The following LRRC7 variants were observed in gnomAD, a reference collection of about 807,000 sequenced individuals.
LRRC7 encodes leucine-rich repeat-containing protein 7.
LRRC7 carries 23 observed loss-of-function variants against 175.7 expected under a neutral mutation model. The observed-to-expected ratio is 0.13, with a 90% confidence interval of 0.09 to 0.19. The LOEUF (loss-of-function observed/expected upper bound fraction) is 0.19, where lower values mean the gene tolerates loss of function less well. Ranked by LOEUF, LRRC7 falls within the 10% of genes least tolerant of loss-of-function variation. The pLI is 1.00. For synonymous variants in LRRC7, 685 were observed against 680.9 expected (o/e 1.01, Z -0.09); for missense variants, 1,354 against 1,904.7 (o/e 0.71, Z 5.38).
At chr1:69,869,527 G>T (rs1018606768) in intron 7 of LRRC7, among the ~76,000 whole-genome samples, 6 of 152,128 alleles carry the variant, frequency 3.9e-5, no homozygotes, top group Non-Finnish European at 8.8e-5. Context: ...CACAAAGACA[G>T]ATAATTGGGC....
At chr1:69,570,395 T>G (rs910478207) in intron 1 of LRRC7, among the ~76,000 whole-genome samples, 1 of 152,100 alleles carries the variant, frequency 6.6e-6, no homozygotes, top group Non-Finnish European at 1.5e-5. Flanking sequence ...GTGAACGGTT[T>G]GAAAGCTTCG....
chr1:69,928,306 C>T (rs577555548), intron 7 of LRRC7, among the ~76,000 whole-genome samples: 2,060 of 152,308 alleles, frequency 0.014, 25 homozygotes, highest in South Asian at 0.026. Flanking sequence ...TCTCCAGCTG[C>T]GTGCTGGGAG....
At chr1:70,121,719 AAAC>A (rs1193896949) in intron 26 of LRRC7, 58 bp from the exon 27 acceptor site, 94 of 1,102,244 alleles carry the variant, frequency 8.5e-5, no homozygotes, top group Non-Finnish European at 1.2e-4. Context: ...TTATGAATAG[AAAC>A]AACGATACAG....
chr1:70,142,445 G>GAA lies in LRRC7; in HGVS notation c.*20560_*20561dup, dbSNP rs760517108. Reference sequence around the variant, plus strand: ...GCCTATTTTCTGTTTGAAATGAAGAGAAAGGTAATTGACAGATAAACAGAT... The same window carrying GAA: ...GCCTATTTTCTGTTTGAAATGAAGAGAAAAAGGTAATTGACAGATAAACAGAT... On this transcript the variant is annotated 3_prime_UTR_variant, in exon 27 of 27. Coordinates refer to ENST00000651989, the MANE Select transcript of LRRC7 (RefSeq NM_001370785.2). The GAA allele has an allele frequency of 3.9e-5, 6 of 152,050 alleles. No individual in the cohort carries two copies. The highest frequency in any genetic ancestry group is 2.6e-4 in the Admixed American group (4 of 15,258). The allele number at this position is 152,050 out of a possible 1,614,324, so 9.4% of individuals were successfully genotyped here.
At chr1:69,694,369 A>G (rs528096663) in intron 2 of LRRC7, among the ~76,000 whole-genome samples, 56 of 152,234 alleles carry the variant, frequency 3.7e-4, no homozygotes, top group Non-Finnish European at 7.1e-4. Flanking sequence ...GTAATTCTCT[A>G]ATTGCTCTCA....
intron 2 of LRRC7, among the ~76,000 whole-genome samples, chr1:69,735,516 A>T (rs1668014144): frequency 6.6e-6 from 1 of 152,116 alleles, no homozygotes; most frequent in Non-Finnish European, 1.5e-5. Context: ...AATTTGTCCC[A>T]CAACTGGTGA....
chr1:69,833,086 C>T (rs886083274), intron 5 of LRRC7, among the ~76,000 whole-genome samples: 1 of 140,498 alleles, frequency 7.1e-6, no homozygotes, highest in African/African-American at 2.5e-5. Context: ...GCCTGGGAGA[C>T]AAGAGTGAAA....
chr1:69,725,256 A>T (rs924659462), intron 2 of LRRC7, among the ~76,000 whole-genome samples: 2 of 151,974 alleles, frequency 1.3e-5, no homozygotes, highest in African/African-American at 4.8e-5. Flanking sequence ...GAGTAGGGGG[A>T]GGAGGAGGAA....
At chr1:69,684,940 G>T (rs1398410532) in intron 2 of LRRC7, among the ~76,000 whole-genome samples, 1 of 152,168 alleles carries the variant, frequency 6.6e-6, no homozygotes, top group Non-Finnish European at 1.5e-5. Context: ...AGACCTATCT[G>T]GTGGTAATGG....
chr1:70,069,060 A>G lies in LRRC7; in HGVS notation c.4231-7017A>G, dbSNP rs1195305997. Among the ~76,000 whole-genome samples the G allele has an allele frequency of 5.9e-5, 9 of 152,172 alleles. No homozygotes were observed. In the South Asian group the frequency reaches 1.2e-3, roughly 21 times the overall value. ...AGTTGTAGGGCTGTTCAAGTTATCTATATTTTATATTGGATGAGTTGTGGT... is the reference window on the plus strand; with the variant it reads ...AGTTGTAGGGCTGTTCAAGTTATCTGTATTTTATATTGGATGAGTTGTGGT... On this transcript the variant is annotated intron_variant, in intron 23 of 26. Transcript: ENST00000651989.
chr1:69,588,943 C>T (rs1646508525), intron 1 of LRRC7, among the ~76,000 whole-genome samples: 1 of 151,694 alleles, frequency 6.6e-6, no homozygotes, highest in Non-Finnish European at 1.5e-5. Flanking sequence ...GTTCTTCTTT[C>T]CTTCTTCCCT....
chr1:70,032,432 C>G (rs908667686), intron 18 of LRRC7, among the ~76,000 whole-genome samples: 2 of 151,952 alleles, frequency 1.3e-5, no homozygotes, highest in African/African-American at 2.4e-5. Context: ...TATGGTAACA[C>G]CTATTTATAT....
intron 26 of LRRC7, among the ~76,000 whole-genome samples, chr1:70,121,138 G>A (rs1469428264): frequency 6.6e-6 from 1 of 152,016 alleles, no homozygotes; most frequent in Non-Finnish European, 1.5e-5. Flanking sequence ...GAAGACAGCA[G>A]ACATGTCCTC....
intron 7 of LRRC7, among the ~76,000 whole-genome samples, chr1:69,855,201 C>T (rs972851809): frequency 6.6e-6 from 1 of 152,104 alleles, no homozygotes; most frequent in African/African-American, 2.4e-5. Flanking sequence ...AAATCTAGTT[C>T]TTTTAATGGT....
chr1:69,967,122 G>A (rs983672694), intron 8 of LRRC7, among the ~76,000 whole-genome samples: 2 of 152,184 alleles, frequency 1.3e-5, no homozygotes, highest in African/African-American at 4.8e-5. Context: ...CACAGTGGGA[G>A]TGAGACCAGC....
intron 1 of LRRC7, 45 bp from the exon 2 acceptor site, chr1:69,678,336 C>G: frequency 7.5e-7 from 1 of 1,330,802 alleles, no homozygotes. Context: ...AAACATTTAT[C>G]CAAAAAAAAG....
At chr1:70,067,765 A>G (rs548897495) in intron 23 of LRRC7, among the ~76,000 whole-genome samples, 1 of 152,070 alleles carries the variant, frequency 6.6e-6, no homozygotes, top group South Asian at 2.1e-4. Flanking sequence ...CTCTCCACTT[A>G]TTTAAATCTT....
Position 70,056,187 on chromosome 1 carries a change from C to T in LRRC7, c.4230+3042C>T, listed in dbSNP as rs184739684. ...TAGCTGGAGATTCAAATTTAGGAAT[C>T]ATTAGAACATGTATTATTGAGCCAT... On this transcript the variant is annotated intron_variant, in intron 23 of 26. Coordinates refer to ENST00000651989, the MANE Select transcript of LRRC7 (RefSeq NM_001370785.2). Among the ~76,000 whole-genome samples the T allele has an allele frequency of 2.0e-5, 3 of 152,176 alleles. No individual in the cohort carries two copies. In the East Asian group the frequency reaches 5.8e-4, roughly 29 times the overall value.
intron 1 of LRRC7, among the ~76,000 whole-genome samples, chr1:69,605,450 A>C (rs1647383568): frequency 6.6e-6 from 1 of 152,214 alleles, no homozygotes; most frequent in Non-Finnish European, 1.5e-5. Flanking sequence ...TTAAATACAT[A>C]AAATGCATTG....
Sources: gnomAD v4.1 joint callset for allele counts (sites outside exome capture counted in the v4.1 genomes callset) on GRCh38, gnomAD v4.1.1 for gene constraint, MANE v1.5 for transcripts, NCBI Gene and HGNC (gene_info 2026-07-23, HGNC 2026-07-21) for gene names.